BBS2: variants seen among roughly 807,000 people sequenced by gnomAD.
The protein encoded by BBS2 is Bardet-Biedl syndrome 2, also known as BBSome complex member BBS2.
A neutral mutation model predicts 83.0 loss-of-function variants in BBS2; 62 were observed. That is an observed-to-expected ratio of 0.75 (90% CI 0.61 to 0.92). BBS2 has a LOEUF of 0.92. Ranked by LOEUF, BBS2 falls within the 40% of genes least tolerant of loss-of-function variation. The pLI is 0.00. For synonymous variants in BBS2, 303 were observed against 326.1 expected (o/e 0.93, Z 0.76); for missense variants, 784 against 901.0 (o/e 0.87, Z 1.66).
intron 17 of BBS2, chr16:56,474,903 G>T: frequency 1.9e-6 from 3 of 1,613,706 alleles, no homozygotes; most frequent in Non-Finnish European, 1.7e-6. Context: ...CATGACCATA[G>T]CAAGGCTGAA....
intron 13 of BBS2, 36 bp from the exon 14 acceptor site, chr16:56,497,916 CAGATGTT>C: frequency 6.2e-7 from 1 of 1,600,298 alleles, no homozygotes; most frequent in South Asian, 1.1e-5. Flanking sequence ...TTAGCATCCT[CAGATGTT>C]AGACAAACTT....
At chr16:56,480,033 C>T (rs1186130042), downstream of BBS2, among the ~76,000 whole-genome samples, 1 of 151,850 alleles carries the variant, frequency 6.6e-6, no homozygotes, top group African/African-American at 2.4e-5. Flanking sequence ...TACTTCACTA[C>T]TTCTTCTTTA....
At chr16:56,518,869 CTT>C (rs1964829511) in intron 1 of BBS2, among the ~76,000 whole-genome samples, 1 of 138,446 alleles carries the variant, frequency 7.2e-6, no homozygotes, top group African/African-American at 2.6e-5. Context: ...CATGATTTCT[CTT>C]TTATCTCTTT....
intron 15 of BBS2, among the ~76,000 whole-genome samples, chr16:56,492,964 AC>A (rs1426312016): frequency 1.3e-5 from 2 of 152,222 alleles, no homozygotes; most frequent in East Asian, 3.8e-4. Context: ...TAAAAAAAAA[AC>A]AATCCAAATA....
chr16:56,519,665 G>C lies in BBS2; in HGVS notation c.117+81C>G, dbSNP rs540174656. 5 of 1,168,918 alleles carry C rather than the reference G, an allele frequency of 4.3e-6. No homozygotes were observed. The African/African-American group carries it at 4.5e-5, about 11-fold the overall frequency. The allele number at this position is 1,168,918 out of a possible 1,614,324, so 72.4% of individuals were successfully genotyped here. On this transcript the variant is annotated intron_variant, in intron 1 of 16. Coordinates refer to ENST00000245157, the MANE Select transcript of BBS2 (RefSeq NM_031885.5). Reference sequence around the variant, plus strand: ...ACGGGCTGGGGGCGGGGTCGGAGAGGGGACGGGATCCCAGGGGCGCGGCCG... The same window carrying C: ...ACGGGCTGGGGGCGGGGTCGGAGAGCGGACGGGATCCCAGGGGCGCGGCCG...
intron 14 of BBS2, chr16:56,497,500 A>G (rs1964147289): frequency 1.8e-6 from 1 of 562,918 alleles, no homozygotes; most frequent in Non-Finnish European, 3.1e-6. Flanking sequence ...GAAAATGTTA[A>G]TATTTAAATG....
At chr16:56,503,142 G>A (rs190395091) in intron 7 of BBS2, among the ~76,000 whole-genome samples, 4 of 152,276 alleles carry the variant, frequency 2.6e-5, no homozygotes, top group Admixed American at 1.3e-4. Flanking sequence ...TGGCCAAACC[G>A]CTCAGGTTCA....
chr16:56,500,927 A>G lies in BBS2; in HGVS notation c.1324T>C (p.Cys442Arg). ...TCTTTGGGAGGCACAATAGGGATGC[A>G]GATGGAACTGGAGAGGTTGTGAATG... is the stretch of plus-strand genomic sequence containing the variant. ...PSIHNLSSSI[C>R]IPIVPPKDVP... Residue 442 changes from cysteine to arginine, a missense_variant, in exon 11 of 17, where the codon TGC becomes CGC. Cys to Arg is a radical substitution (Grantham distance 180, BLOSUM62 -3). Coordinates refer to ENST00000245157, the MANE Select transcript of BBS2 (RefSeq NM_031885.5). 1.2e-6 allele frequency: 2 copies of G among 1,614,196 alleles called. No individual in the cohort carries two copies. The highest frequency in any genetic ancestry group is 1.7e-6 in the Non-Finnish European group (2 of 1,180,020).
At chr16:56,514,378 T>C in intron 2 of BBS2, 75 bp downstream of exon 2, 4 of 1,353,570 alleles carry the variant, frequency 3.0e-6, no homozygotes, top group Non-Finnish European at 3.2e-6. Context: ...AAATAAATGA[T>C]CTGATCTCTT....
chr16:56,471,469 G>T (rs576815777), intron 17 of BBS2, among the ~76,000 whole-genome samples: 1 of 152,106 alleles, frequency 6.6e-6, no homozygotes, highest in Non-Finnish European at 1.5e-5. Flanking sequence ...GAATATAACA[G>T]CCTAAGAATT....
chr16:56,475,465 C>G (rs1244435696), intron 17 of BBS2: 3 of 1,587,530 alleles, frequency 1.9e-6, no homozygotes, highest in South Asian at 2.2e-5. Context: ...GCGACTCTTT[C>G]AATAGGAGCT....
chr16:56,493,489 G>GT (rs1411475349), intron 15 of BBS2, among the ~76,000 whole-genome samples: 14 of 150,950 alleles, frequency 9.3e-5, no homozygotes, highest in African/African-American at 3.4e-4. Flanking sequence ...ATATCTGTGT[G>GT]TATCTGCATA....
chr16:56,508,861 C>T (rs766222994), intron 5 of BBS2, among the ~76,000 whole-genome samples: 1 of 151,852 alleles, frequency 6.6e-6, no homozygotes, highest in South Asian at 2.1e-4. Context: ...GTTGCCCAGG[C>T]GGGTCTCAAA....
At chr16:56,481,714 A>G (rs1407009734), downstream of BBS2, among the ~76,000 whole-genome samples, 1 of 152,220 alleles carries the variant, frequency 6.6e-6, no homozygotes, top group Non-Finnish European at 1.5e-5. Context: ...TGATAAACTC[A>G]TCTCTCCTTG....
In BBS2 at chr16:56,514,554, C is replaced by T. The variant is rs376883866; in HGVS notation, c.244G>A (p.Val82Ile). ...NQAVSCLTAG[V>I]LNPELGYDAL... ...TCATAGCCAAGCTCAGGGTTCAATA[C>T]GCCTGCAGTCAGACAGCTGACTGCC... Residue 82 changes from valine (V) to isoleucine (I), a missense_variant, in exon 2 of 17, where the codon GTA (valine) becomes ATA (isoleucine). By Grantham distance (29) the Val-to-Ile change is conservative (BLOSUM62 3). Coordinates refer to ENST00000245157, the MANE Select transcript of BBS2 (RefSeq NM_031885.5). The T allele has an allele frequency of 1.2e-5, 19 of 1,614,012 alleles. No homozygotes were observed. The highest frequency in any genetic ancestry group is 4.0e-5 in the African/African-American group (3 of 74,918).
rs1461685504 is a variant in BBS2 at position 56,519,974 on chromosome 16, C to G, written c.-112G>C. The G allele has an allele frequency of 1.1e-6, 1 of 949,100 alleles. No individual in the cohort carries two copies. The highest frequency in any genetic ancestry group is 1.7e-6 in the Non-Finnish European group (1 of 600,668). 58.8% of individuals were successfully genotyped at this position (949,100 alleles called of 1,614,324 possible). A position where few individuals can be genotyped will look rare whatever the true frequency, so the allele number is the denominator to read the frequency against. ...GACACTACCTGCGCGGCCCCAGCCGCCTCAGGCCGGACGCGAAACAGCCCG... is the reference window on the plus strand; with the variant it reads ...GACACTACCTGCGCGGCCCCAGCCGGCTCAGGCCGGACGCGAAACAGCCCG... On this transcript the variant is annotated 5_prime_UTR_variant, in exon 1 of 17. Transcript: ENST00000245157.
chr16:56,488,142 ACAC>A (rs1963837929), intron 15 of BBS2, among the ~76,000 whole-genome samples: 1 of 152,170 alleles, frequency 6.6e-6, no homozygotes, highest in African/African-American at 2.4e-5. Flanking sequence ...CTCTGCTCCC[ACAC>A]CACAACAATC....
intron 15 of BBS2, 30 bp downstream of exon 15, chr16:56,496,937 G>T: frequency 6.7e-7 from 1 of 1,484,544 alleles, no homozygotes; most frequent in Non-Finnish European, 9.4e-7. Flanking sequence ...TTTTAACCCT[G>T]CACCTGTACT....
chr16:56,515,237 A>G (rs962690540), intron 1 of BBS2, among the ~76,000 whole-genome samples: 2 of 152,234 alleles, frequency 1.3e-5, no homozygotes, highest in Non-Finnish European at 2.9e-5. Flanking sequence ...CTAAGTAATT[A>G]GCCCAAAGAT....
Sources: gnomAD v4.1 joint callset for allele counts (sites outside exome capture counted in the v4.1 genomes callset) on GRCh38, gnomAD v4.1.1 for gene constraint, MANE v1.5 for transcripts, NCBI Gene and HGNC (gene_info 2026-07-23, HGNC 2026-07-21) for gene names.